IQCJ: variants seen among roughly 807,000 people sequenced by gnomAD.
IQCJ encodes IQ motif containing J.
A neutral mutation model predicts 11.0 loss-of-function variants in IQCJ; 9 were observed. The ratio of observed to expected loss-of-function variants is 0.82; its 90% CI spans 0.49 to 1.43. The LOEUF is 1.43. Among genes scored for constraint, IQCJ ranks in the 40% most tolerant of loss-of-function variants. IQCJ has a pLI of 0.00. For missense variants in IQCJ, 146 were observed against 133.2 expected (o/e 1.10, Z -0.47); for synonymous variants, 55 against 51.3 (o/e 1.07, Z -0.31).
intron 1 of IQCJ, among the ~76,000 whole-genome samples, chr3:159,102,149 G>A (rs1717972847): frequency 6.6e-6 from 1 of 152,202 alleles, no homozygotes; most frequent in Admixed American, 6.5e-5. Flanking sequence ...TTTGAGTGCT[G>A]TACATCAGTT....
intron 3 of IQCJ, among the ~76,000 whole-genome samples, chr3:159,254,322 G>A (rs149447919): frequency 9.6e-4 from 146 of 152,226 alleles, no homozygotes; most frequent in Non-Finnish European, 1.7e-3. Context: ...CCAGGAGAAG[G>A]ACTAGGCAGA....
chr3:159,087,103 A>T (rs1383956236), intron 1 of IQCJ, among the ~76,000 whole-genome samples: 6 of 152,166 alleles, frequency 3.9e-5, no homozygotes, highest in Admixed American at 3.3e-4. Flanking sequence ...TCAATACCTA[A>T]TGTATTGAGA....
At chr3:159,219,212 G>C (rs1287847102) in intron 1 of IQCJ, among the ~76,000 whole-genome samples, 3 of 152,080 alleles carry the variant, frequency 2.0e-5, no homozygotes, top group African/African-American at 2.4e-5. Context: ...TCTAGGAGAA[G>C]CATGTCTGAT....
intron 3 of IQCJ, among the ~76,000 whole-genome samples, chr3:159,261,291 G>C (rs1318615010): frequency 6.6e-6 from 1 of 152,168 alleles, no homozygotes; most frequent in East Asian, 1.9e-4. Flanking sequence ...CTAACAACTA[G>C]TCCGCATGAA....
chr3:159,142,729 C>A (rs1299904264), intron 1 of IQCJ, among the ~76,000 whole-genome samples: 3 of 152,116 alleles, frequency 2.0e-5, no homozygotes, highest in African/African-American at 7.2e-5. Flanking sequence ...GGGGGCAGGT[C>A]TTTTATTTTA....
intron 1 of IQCJ, among the ~76,000 whole-genome samples, chr3:159,153,253 C>T (rs1721331369): frequency 6.6e-6 from 1 of 152,164 alleles, no homozygotes; most frequent in Admixed American, 6.5e-5. Flanking sequence ...ACAATGCATC[C>T]TTTAATGGCA....
At chr3:159,239,463 GA>G (rs539835377) in intron 1 of IQCJ, among the ~76,000 whole-genome samples, 16 of 147,504 alleles carry the variant, frequency 1.1e-4, no homozygotes, top group East Asian at 2.0e-4. Flanking sequence ...AGTCCCCAGA[GA>G]AAAAAAAAAT....
chr3:159,112,110 A>G (rs1471728719), intron 1 of IQCJ, among the ~76,000 whole-genome samples: 1 of 152,078 alleles, frequency 6.6e-6, no homozygotes, highest in East Asian at 1.9e-4. Context: ...CACTCAATAA[A>G]TCCTCATGAT....
intron 1 of IQCJ, among the ~76,000 whole-genome samples, chr3:159,140,200 T>C (rs1720524178): frequency 6.7e-6 from 1 of 150,208 alleles, no homozygotes; most frequent in Non-Finnish European, 1.5e-5. Flanking sequence ...CGATTGGTGT[T>C]GTACAGTCTA....
At chr3:159,080,238 T>G (rs1190782313) in intron 1 of IQCJ, among the ~76,000 whole-genome samples, 1 of 152,084 alleles carries the variant, frequency 6.6e-6, no homozygotes, top group Non-Finnish European at 1.5e-5. Context: ...TAATGGAAAA[T>G]GTAGAAATAA....
At chr3:159,225,049 G>A (rs2108130693) in intron 1 of IQCJ, among the ~76,000 whole-genome samples, 1 of 152,218 alleles carries the variant, frequency 6.6e-6, no homozygotes, top group Non-Finnish European at 1.5e-5. Context: ...ATAGAAAGTT[G>A]TGTTCAAACA....
At chr3:159,117,790 A>G (rs1008920077) in intron 1 of IQCJ, among the ~76,000 whole-genome samples, 1 of 152,200 alleles carries the variant, frequency 6.6e-6, no homozygotes, top group East Asian at 1.9e-4. Flanking sequence ...GGAGCTTACA[A>G]TCTATCAGAG....
chr3:159,107,754 G>A (rs576662148), intron 1 of IQCJ, among the ~76,000 whole-genome samples: 54 of 152,140 alleles, frequency 3.5e-4, no homozygotes, highest in Admixed American at 6.5e-4. Context: ...GTACAGAGAG[G>A]GTTAGCACAT....
At chr3:159,239,203 T>C (rs1726763355) in intron 1 of IQCJ, among the ~76,000 whole-genome samples, 2 of 152,214 alleles carry the variant, frequency 1.3e-5, no homozygotes, top group South Asian at 4.1e-4. Flanking sequence ...GAAGTGTTTT[T>C]GTATAGCTAG....
intron 1 of IQCJ, among the ~76,000 whole-genome samples, chr3:159,241,118 G>A (rs1019567030): frequency 2.0e-5 from 3 of 151,570 alleles, no homozygotes; most frequent in Non-Finnish European, 2.9e-5. Flanking sequence ...TTTTTAAAGT[G>A]AGAGAATCTG....
At chr3:159,207,532 T>C (rs971658404) in intron 1 of IQCJ, among the ~76,000 whole-genome samples, 16 of 152,188 alleles carry the variant, frequency 1.1e-4, no homozygotes, top group African/African-American at 3.4e-4. Context: ...AATAGATGAC[T>C]TTGAAACTCA....
chr3:159,182,857 TTAAC>T (rs1371003546), intron 1 of IQCJ, among the ~76,000 whole-genome samples: 1 of 151,506 alleles, frequency 6.6e-6, no homozygotes, highest in Admixed American at 6.6e-5. Context: ...GGGTCAATCT[TTAAC>T]TACCAGGCCC....
At chr3:159,219,035 G>C (rs955917154) in intron 1 of IQCJ, among the ~76,000 whole-genome samples, 3 of 152,028 alleles carry the variant, frequency 2.0e-5, no homozygotes, top group Non-Finnish European at 4.4e-5. Context: ...AAGGACTCTT[G>C]TGATCACATT....
chr3:159,143,606 C>A (rs1720752555), intron 1 of IQCJ, among the ~76,000 whole-genome samples: 1 of 152,132 alleles, frequency 6.6e-6, no homozygotes, highest in African/African-American at 2.4e-5. Flanking sequence ...AGAAGTTAAA[C>A]ATTAGTTTCC....
Sources: allele counts gnomAD v4.1 joint callset (sites outside exome capture counted in the v4.1 genomes callset), GRCh38; gene constraint gnomAD v4.1.1; transcripts MANE v1.5; gene names NCBI Gene and HGNC (gene_info 2026-07-23, HGNC 2026-07-21).